The following MTBP variants were observed in gnomAD, a reference collection of about 807,000 sequenced individuals.
MTBP encodes the protein MDM2 binding protein, also known as mdm2-binding protein.
MTBP carries 101 observed loss-of-function variants against 117.0 expected under a neutral mutation model. The observed-to-expected ratio is 0.86, with a 90% CI of 0.73 to 1.02. MTBP has a LOEUF of 1.02. Among genes scored for constraint, MTBP ranks in the 50% least tolerant of loss-of-function variants. The probability of loss-of-function intolerance (pLI) is 0.00; values close to 1 mark genes in which losing one functional copy is unlikely to be tolerated. For missense variants in MTBP, 970 were observed against 1,030.9 expected, an observed-to-expected ratio of 0.94 and a Z score of 0.81; for synonymous variants, 350 against 351.5, an observed-to-expected ratio of 1.00 and a Z score of 0.05.
rs778917732 is a variant in MTBP at position 120,488,078 on chromosome 8, A to C, written c.1166-81A>C. 5.8e-4 allele frequency: 683 copies of C among 1,172,702 alleles called. 1 individual carries two copies. Among genetic ancestry groups the C allele is most frequent in the Admixed American group, 3.8e-4 (13 of 34,090 alleles). 72.6% of individuals were successfully genotyped at this position (1,172,702 alleles called of 1,614,324 possible). ...TTAAAATAACAAAAAATTTTATTAT[A>C]TCCTATGGATCAAATGTATGGTTCT... On this transcript the variant is annotated intron_variant, in intron 11 of 21. Transcript: ENST00000305949.
Position 120,456,661 on chromosome 8 carries a change from G to A in MTBP, c.738G>A (p.Trp246Ter). Residue 246 changes from tryptophan (W) to a stop codon, truncating the protein, a stop_gained, in exon 7 of 22, where the codon TGG (tryptophan) becomes TGA (stop). Coordinates refer to ENST00000305949, the MANE Select transcript of MTBP (RefSeq NM_022045.5). LOFTEE classifies it high-confidence loss of function. The part of the protein sequence containing the change: ...KELWRGKIQI[W>*]ERKFGFEISF... ...TATGGAGGGGGAAAATACAGATATGGGAAAGAAAGGTAAATGGATTATTCA... is the reference window on the plus strand; with the variant it reads ...TATGGAGGGGGAAAATACAGATATGAGAAAGAAAGGTAAATGGATTATTCA... 2 of 1,538,804 alleles carry A rather than the reference G, an allele frequency of 1.3e-6. No homozygotes were observed. The highest frequency in any genetic ancestry group is 1.8e-6 in the Non-Finnish European group (2 of 1,120,940).
At chr8:120,521,771 T>A (rs1815010316) in intron 20 of MTBP, among the ~76,000 whole-genome samples, 2 of 152,348 alleles carry the variant, frequency 1.3e-5, no homozygotes, top group South Asian at 4.1e-4. Flanking sequence ...TGGAGTCAAA[T>A]AGCCAAAATG....
chr8:120,450,705 C>A (rs937319233), intron 2 of MTBP, among the ~76,000 whole-genome samples: 6 of 151,990 alleles, frequency 3.9e-5, no homozygotes, highest in African/African-American at 1.2e-4. Flanking sequence ...TTTTCAACAT[C>A]TTTATGGTTG....
At chr8:120,468,638 G>T (rs1460561262) in intron 10 of MTBP, among the ~76,000 whole-genome samples, 3 of 151,776 alleles carry the variant, frequency 2.0e-5, no homozygotes, top group African/African-American at 2.4e-5. Flanking sequence ...TGTGACGTGT[G>T]GTCAGGCGTT....
chr8:120,492,229 A>G (rs969016349), intron 13 of MTBP, among the ~76,000 whole-genome samples: 10 of 152,342 alleles, frequency 6.6e-5, no homozygotes, highest in Non-Finnish European at 4.4e-5. Context: ...CTTACTGAAC[A>G]AATCTCTTCT....
At chr8:120,467,082 T>C (rs1324368480) in intron 10 of MTBP, among the ~76,000 whole-genome samples, 2 of 152,182 alleles carry the variant, frequency 1.3e-5, no homozygotes, top group Non-Finnish European at 2.9e-5. Context: ...ACAAATTATT[T>C]ATCTATGTAA....
Position 120,488,083 on chromosome 8 carries a change from A to G in MTBP, c.1166-76A>G, listed in dbSNP as rs181666666. On this transcript the variant is annotated intron_variant, in intron 11 of 21. Coordinates refer to ENST00000305949, the MANE Select transcript of MTBP (RefSeq NM_022045.5). ...ATAACAAAAAATTTTATTATATCCTATGGATCAAATGTATGGTTCTGTTGT... is the reference window on the plus strand; with the variant it reads ...ATAACAAAAAATTTTATTATATCCTGTGGATCAAATGTATGGTTCTGTTGT... 1.3e-3 allele frequency: 1,603 copies of G among 1,215,288 alleles called. 12 individuals are homozygous for G. Among genetic ancestry groups the G allele is most frequent in the Non-Finnish European group, 6.0e-4 (535 of 884,930 alleles). The allele number at this position is 1,215,288 out of a possible 1,614,324, so 75.3% of individuals were successfully genotyped here. A position where few individuals can be genotyped will look rare whatever the true frequency, so the allele number is the denominator to read the frequency against.
At chr8:120,466,446 C>A (rs1813696179) in intron 10 of MTBP, among the ~76,000 whole-genome samples, 1 of 151,262 alleles carries the variant, frequency 6.6e-6, no homozygotes, top group Admixed American at 6.6e-5. Flanking sequence ...GAACTCCTGA[C>A]CTCAAGTGAC....
intron 11 of MTBP, among the ~76,000 whole-genome samples, chr8:120,483,584 C>T (rs1055335442): frequency 6.6e-6 from 1 of 151,946 alleles, no homozygotes; most frequent in Admixed American, 6.6e-5. Flanking sequence ...AACTAAGAAA[C>T]TTATTGACAA....
At chr8:120,479,348 T>C (rs1337674813) in intron 11 of MTBP, among the ~76,000 whole-genome samples, 1 of 152,184 alleles carries the variant, frequency 6.6e-6, no homozygotes, top group Non-Finnish European at 1.5e-5. Context: ...ATAAATTTCA[T>C]CTTGAGAAAT....
intron 14 of MTBP, among the ~76,000 whole-genome samples, chr8:120,501,860 A>G (rs1814593682): frequency 6.6e-6 from 1 of 152,178 alleles, no homozygotes; most frequent in Admixed American, 6.5e-5. Flanking sequence ...CCCAATATTA[A>G]CAGCAATCTC....
At chr8:120,506,606 A>T in intron 15 of MTBP, 100 bp from the exon 16 acceptor site, 1 of 895,962 alleles carries the variant, frequency 1.1e-6, no homozygotes, top group Non-Finnish European at 1.6e-6. Context: ...GTTTCTGCTC[A>T]CATCTTCTTT....
intron 9 of MTBP, among the ~76,000 whole-genome samples, chr8:120,463,379 G>C (rs1213470183): frequency 1.3e-5 from 2 of 152,002 alleles, no homozygotes; most frequent in Non-Finnish European, 2.9e-5. Flanking sequence ...ATTGTTATTG[G>C]CTGGAAATGA....
At chr8:120,448,772 A>G (rs913926796) in intron 2 of MTBP, among the ~76,000 whole-genome samples, 3 of 152,192 alleles carry the variant, frequency 2.0e-5, no homozygotes, top group African/African-American at 7.2e-5. Flanking sequence ...AGTAACTGGA[A>G]TTTGTGCATA....
chr8:120,518,738 A>AAC lies in MTBP; in HGVS notation c.2535_2536dup (p.Ser846ThrfsTer25). On this transcript the variant is annotated frameshift_variant, in exon 20 of 22. Coordinates refer to ENST00000305949, the MANE Select transcript of MTBP (RefSeq NM_022045.5). LOFTEE classifies it high-confidence loss of function. ...GAAGTAGTTACTGAAACCCTGAAGA[A>AAC]ACACAGTATTACCGAGACTCATGAA... The AAC allele has an allele frequency of 1.9e-6, 3 of 1,611,310 alleles. No individual in the cohort carries two copies.
rs1459636791 is a variant in MTBP, at chr8:120,502,501, C to G, written c.1619C>G (p.Pro540Arg). 2 of 1,586,638 alleles carry G rather than the reference C, an allele frequency of 1.3e-6. No individual in the cohort carries two copies. The highest frequency in any genetic ancestry group is 2.3e-5 in the South Asian group (2 of 85,128). ...ATTTCTTTCACTTTAGATTTTAGTCCAGTGGAACCTAATTCCTCAAGTCTA... is the reference window on the plus strand; with the variant it reads ...ATTTCTTTCACTTTAGATTTTAGTCGAGTGGAACCTAATTCCTCAAGTCTA... Reference protein sequence around the residue: ...KTFNILNDFSPVEPNSSSLME... With the variant: ...KTFNILNDFSRVEPNSSSLME... Residue 540 changes from proline to arginine, a missense_variant, in exon 15 of 22, where the codon CCA becomes CGA. Pro to Arg is a moderately radical substitution (Grantham distance 103, BLOSUM62 -2). Transcript: ENST00000305949.
intron 7 of MTBP, among the ~76,000 whole-genome samples, chr8:120,457,645 G>T (rs148029335): frequency 1.1e-4 from 17 of 152,212 alleles, no homozygotes; most frequent in Admixed American, 3.9e-4. Context: ...CATAGGCTGG[G>T]CGCAGTGGGT....
intron 7 of MTBP, among the ~76,000 whole-genome samples, chr8:120,458,849 A>G (rs78433582): frequency 2.5e-5 from 1 of 39,672 alleles, no homozygotes; most frequent in African/African-American, 3.8e-5. Flanking sequence ...CTCAAAGCCA[A>G]AAAAAAAAAA....
At chr8:120,490,971 T>A (rs1814333436) in intron 13 of MTBP, among the ~76,000 whole-genome samples, 1 of 152,160 alleles carries the variant, frequency 6.6e-6, no homozygotes. Context: ...ATTAATGTGT[T>A]ACCTTGAGCA....
Sources: allele counts gnomAD v4.1 joint callset (sites outside exome capture counted in the v4.1 genomes callset), GRCh38; gene constraint gnomAD v4.1.1; transcripts MANE v1.5; gene names NCBI Gene and HGNC (gene_info 2026-07-23, HGNC 2026-07-21).